UBE2D2: variants seen among roughly 807,000 people sequenced by gnomAD.
The protein encoded by UBE2D2 is ubiquitin-conjugating enzyme E2 D2.
In UBE2D2, 2 loss-of-function variants were observed where a neutral mutation model predicts 24.2. The ratio of observed to expected loss-of-function variants is 0.08; its 90% CI spans 0.03 to 0.26. UBE2D2 has a LOEUF of 0.26. Among genes scored for constraint, UBE2D2 ranks in the 10% least tolerant of loss-of-function variants. The pLI is 1.00. For missense variants in UBE2D2, 44 were observed against 177.6 expected (o/e 0.25, Z 4.28); for synonymous variants, 58 against 56.5 (o/e 1.03, Z -0.12).
At chr5:139,608,247 C>T (rs989924768) in intron 2 of UBE2D2, among the ~76,000 whole-genome samples, 5 of 151,932 alleles carry the variant, frequency 3.3e-5, no homozygotes, top group African/African-American at 9.7e-5. Context: ...GTCTGGGCAA[C>T]GTGACAAAAC....
At chr5:139,583,162 A>G (rs1308623494) in intron 1 of UBE2D2, among the ~76,000 whole-genome samples, 1 of 151,524 alleles carries the variant, frequency 6.6e-6, no homozygotes, top group Non-Finnish European at 1.5e-5. Context: ...TTTAGTAGAG[A>G]CGGGGTTTCA....
rs908893298 is a variant in UBE2D2 at position 139,624,816 on chromosome 5, T to C, written c.398+1355T>C. 2.6e-5 allele frequency among the ~76,000 whole-genome samples: 4 copies of C among 152,204 alleles called. No individual in the cohort carries two copies. In the East Asian group the frequency reaches 5.8e-4, roughly 22 times the overall value. On this transcript the variant is annotated intron_variant, in intron 6 of 6. Transcript: ENST00000398733. ...TTCTAGTGGATTAGAGAGGCATAGATACGTTTTTGTTTTTAGTGGAGGTAA... is the reference window on the plus strand; with the variant it reads ...TTCTAGTGGATTAGAGAGGCATAGACACGTTTTTGTTTTTAGTGGAGGTAA...
upstream of UBE2D2, among the ~76,000 whole-genome samples, chr5:139,557,197 A>C (rs530962537): frequency 2.5e-4 from 38 of 150,542 alleles, no homozygotes; most frequent in African/African-American, 9.3e-4. Flanking sequence ...GCAATGGTGC[A>C]ATCTCGACTC....
In UBE2D2 at chr5:139,576,656, T is replaced by G. The variant is rs355162; in HGVS notation, c.24+14841T>G. Among the ~76,000 whole-genome samples the G allele has an allele frequency of 1.0e-3, 153 of 151,950 alleles. 2 individuals are homozygous for G. Among genetic ancestry groups the G allele is most frequent in the Non-Finnish European group, 1.0e-4 (7 of 67,982 alleles). ...TGCTGGGATTACAGGTATGAGCCAC[T>G]GCGCCCAGCCAGTAAATTCTTTTTA... On this transcript the variant is annotated intron_variant, in intron 1 of 6. Coordinates refer to ENST00000398733, the MANE Select transcript of UBE2D2 (RefSeq NM_003339.3).
At chr5:139,588,250 TTTTTTTTTTG>T (rs1346651245) in intron 1 of UBE2D2, among the ~76,000 whole-genome samples, 4 of 149,806 alleles carry the variant, frequency 2.7e-5, no homozygotes, top group African/African-American at 7.4e-5. Flanking sequence ...TGTTTAGCGT[TTTTTTTTTTG>T]TTTTGTTTTG....
chr5:139,556,578 C>T (rs1022943269), upstream of UBE2D2, among the ~76,000 whole-genome samples: 7 of 151,932 alleles, frequency 4.6e-5, no homozygotes, highest in Non-Finnish European at 7.4e-5. Flanking sequence ...CTATATTTAT[C>T]AAGGAAAAAA....
chr5:139,533,372 C>T (rs1354216337), intron 1 of UBE2D2, among the ~76,000 whole-genome samples: 1 of 151,600 alleles, frequency 6.6e-6, no homozygotes, highest in African/African-American at 2.4e-5. Context: ...GAAAAGGGGC[C>T]GGGCGTGGTG....
intron 6 of UBE2D2, among the ~76,000 whole-genome samples, chr5:139,624,797 T>A (rs2126711118): frequency 6.6e-6 from 1 of 152,342 alleles, no homozygotes; most frequent in Non-Finnish European, 1.5e-5. Flanking sequence ...TGAGTTCTAG[T>A]GGATTAGAGA....
intron 5 of UBE2D2, among the ~76,000 whole-genome samples, chr5:139,622,671 C>A (rs1488878042): frequency 6.7e-6 from 1 of 150,142 alleles, no homozygotes; most frequent in African/African-American, 2.4e-5. Flanking sequence ...GGGCGGATCA[C>A]GAGGTCAGGA....
intron 1 of UBE2D2, among the ~76,000 whole-genome samples, chr5:139,599,834 C>T (rs889888152): frequency 5.9e-5 from 9 of 151,950 alleles, no homozygotes; most frequent in South Asian, 2.1e-4. Flanking sequence ...AATGGAGTCT[C>T]GCTCTATCAC....
chr5:139,611,875 A>G (rs1754326801), intron 2 of UBE2D2: 1 of 152,204 alleles, frequency 6.6e-6, no homozygotes, highest in African/African-American at 2.4e-5. Context: ...TTCCACTCGC[A>G]GTCATATATG....
rs555523430 is a variant in UBE2D2 at position 139,590,233 on chromosome 5, C to T, written c.25-10139C>T. The stretch of plus-strand genomic sequence containing the variant: ...GAATAAACAGTAGTAGAAAAAGGAA[C>T]AAGCCAGCCTGGCCAACATGATGAA... On this transcript the variant is annotated intron_variant, in intron 1 of 6. Coordinates refer to ENST00000398733, the MANE Select transcript of UBE2D2 (RefSeq NM_003339.3). 3.6e-3 allele frequency among the ~76,000 whole-genome samples: 548 copies of T among 151,944 alleles called. 7 individuals are homozygous for T. The highest frequency in any genetic ancestry group is 0.012 in the African/African-American group (510 of 41,456).
chr5:139,567,666 T>G (rs1400051538), intron 1 of UBE2D2, among the ~76,000 whole-genome samples: 1 of 151,546 alleles, frequency 6.6e-6, no homozygotes, highest in South Asian at 2.1e-4. Context: ...CCCGAGTAGC[T>G]GGGACTACAG....
chr5:139,548,193 A>AAAAAAAATAAAT lies in UBE2D2; in HGVS notation c.-64+21584_-64+21585insAAAATAAATAAA. Among the ~76,000 whole-genome samples, 46 of 47,014 alleles carry AAAAAAAATAAAT rather than the reference A, an allele frequency of 9.8e-4. 3 individuals carry two copies. The highest frequency in any genetic ancestry group is 1.3e-3 in the South Asian group (2 of 1,514). The allele number at this position is 47,014 out of a possible 152,430, so 30.8% of individuals were successfully genotyped here. On this transcript the variant is annotated intron_variant, in intron 1 of 6. Coordinates refer to the UBE2D2 transcript ENST00000511725. The stretch of plus-strand genomic sequence containing the variant: ...AAAAAAAAAAAAAAAATAAAAAAAA[A>AAAAAAAATAAAT]AAATAAATAAATAAATAAATAAACG...
At chr5:139,592,844 C>T (rs1753872512) in intron 1 of UBE2D2, among the ~76,000 whole-genome samples, 1 of 151,870 alleles carries the variant, frequency 6.6e-6, no homozygotes, top group African/African-American at 2.4e-5. Context: ...ACCTCGTGAT[C>T]TACCCACCTT....
At chr5:139,549,176 G>C in intron 1 of UBE2D2, among the ~76,000 whole-genome samples, 1 of 152,134 alleles carries the variant, frequency 6.6e-6, no homozygotes, top group East Asian at 1.9e-4. Flanking sequence ...ACCACTGAGA[G>C]GTGACAACGT....
intron 1 of UBE2D2, among the ~76,000 whole-genome samples, chr5:139,550,990 AC>A (rs1275797259): frequency 1.3e-5 from 2 of 152,144 alleles, no homozygotes; most frequent in African/African-American, 2.4e-5. Flanking sequence ...GGCTCTCAGC[AC>A]CACTGACCTT....
chr5:139,601,839 G>A (rs1423866843), intron 2 of UBE2D2, among the ~76,000 whole-genome samples: 2 of 149,570 alleles, frequency 1.3e-5, no homozygotes, highest in Admixed American at 6.7e-5. Flanking sequence ...GAATCCAGGA[G>A]GCAGAGGTTG....
At chr5:139,562,292 T>C (rs1753121240) in intron 1 of UBE2D2, 1 of 1,352,832 alleles carries the variant, frequency 7.4e-7, no homozygotes, top group South Asian at 1.1e-5. Flanking sequence ...GAAGCCGTTT[T>C]GCCCGATCCA....
Sources: allele counts gnomAD v4.1 joint callset (sites outside exome capture counted in the v4.1 genomes callset), GRCh38; gene constraint gnomAD v4.1.1; transcripts MANE v1.5; gene names NCBI Gene and HGNC (gene_info 2026-07-23, HGNC 2026-07-21).